SUCLG2: variants seen among roughly 807,000 people sequenced by gnomAD.
SUCLG2 encodes succinate-CoA ligase GDP-forming subunit beta, also known as succinate--CoA ligase [GDP-forming] subunit beta, mitochondrial.
A neutral mutation model predicts 47.9 loss-of-function variants in SUCLG2; 42 were observed. The ratio of observed to expected loss-of-function variants is 0.88; its 90% CI spans 0.69 to 1.14. The LOEUF is 1.14. Ranked by LOEUF, SUCLG2 falls within the 50% of genes most tolerant of loss-of-function variation. The pLI is 0.00. For synonymous variants in SUCLG2, 195 were observed against 197.3 expected (o/e 0.99, Z 0.10); for missense variants, 571 against 525.9 (o/e 1.09, Z -0.84).
intron 9 of SUCLG2, among the ~76,000 whole-genome samples, chr3:67,472,111 C>G (rs1203958604): frequency 1.3e-5 from 2 of 152,032 alleles, no homozygotes; most frequent in African/African-American, 4.8e-5. Context: ...CCTACTTTGT[C>G]CATCCATGAA....
chr3:67,472,637 T>A (rs543307297), intron 9 of SUCLG2, among the ~76,000 whole-genome samples: 1 of 152,326 alleles, frequency 6.6e-6, no homozygotes, highest in East Asian at 1.9e-4. Flanking sequence ...TTGGGATCAT[T>A]TAGCAAAATG....
intron 9 of SUCLG2, among the ~76,000 whole-genome samples, chr3:67,412,791 T>C (rs80028595): frequency 0.054 from 8,218 of 152,226 alleles, 318 homozygotes; most frequent in Middle Eastern, 0.13. Flanking sequence ...TATATTGTCA[T>C]TATCAATATT....
intron 2 of SUCLG2, among the ~76,000 whole-genome samples, chr3:67,564,727 C>T (rs1559574393): frequency 6.6e-6 from 1 of 152,140 alleles, no homozygotes; most frequent in Non-Finnish European, 1.5e-5. Context: ...AGTTCATGAG[C>T]TATCTATTGT....
Position 67,549,561 on chromosome 3 carries a change from G to T in SUCLG2, c.227-20375C>A, listed in dbSNP as rs149548537. Among the ~76,000 whole-genome samples, 523 of 152,288 alleles carry T rather than the reference G, an allele frequency of 3.4e-3. 2 individuals are homozygous for T. Among genetic ancestry groups the T allele is most frequent in the Non-Finnish European group, 4.9e-3 (332 of 68,016 alleles). On this transcript the variant is annotated intron_variant, in intron 2 of 10. Transcript: ENST00000307227. ...CAGTGGTTATCTATAGGGAATAGGG[G>T]TTGATCTTTACCTCCTTCTTTATAG...
At chr3:67,457,684 CTTTTTTTTT>C (rs71109889) in intron 9 of SUCLG2, among the ~76,000 whole-genome samples, 2 of 65,510 alleles carry the variant, frequency 3.1e-5, no homozygotes, top group African/African-American at 7.6e-5. Flanking sequence ...ACAAAAGCAG[CTTTTTTTTT>C]TTTTTTTTTT....
chr3:67,457,684 C>CTTTT (rs71109889), intron 9 of SUCLG2, among the ~76,000 whole-genome samples: 2,244 of 65,028 alleles, frequency 0.035, 193 homozygotes, highest in African/African-American at 0.079. Flanking sequence ...ACAAAAGCAG[C>CTTTT]TTTTTTTTTT....
chr3:67,463,040 T>C (rs1418638127), intron 9 of SUCLG2, among the ~76,000 whole-genome samples: 1 of 152,182 alleles, frequency 6.6e-6, no homozygotes, highest in Non-Finnish European at 1.5e-5. Context: ...GGGATCAAGT[T>C]TGTGGGCAGA....
chr3:67,535,627 C>G (rs1706519883), intron 2 of SUCLG2, among the ~76,000 whole-genome samples: 1 of 152,064 alleles, frequency 6.6e-6, no homozygotes. Context: ...TCCTCAGGTA[C>G]TCTTTTACAG....
rs573663178 is a variant in SUCLG2, at chr3:67,520,454, T to C, written c.570+28A>G. On this transcript the variant is annotated intron_variant, in intron 5 of 10. Coordinates refer to ENST00000307227, the MANE Select transcript of SUCLG2 (RefSeq NM_003848.4). ...AGCTTCTACAATAACAATCAATTAATAGCAGGTAGCCCGGAATTTAAACAT... is the reference window on the plus strand; with the variant it reads ...AGCTTCTACAATAACAATCAATTAACAGCAGGTAGCCCGGAATTTAAACAT... 15 of 1,613,692 alleles carry C rather than the reference T, an allele frequency of 9.3e-6. No homozygotes were observed. The East Asian group carries it at 1.1e-4, about 12-fold the overall frequency.
At chr3:67,512,646 T>G (rs1387431041) in intron 6 of SUCLG2, among the ~76,000 whole-genome samples, 1 of 151,104 alleles carries the variant, frequency 6.6e-6, no homozygotes, top group Non-Finnish European at 1.5e-5. Context: ...ATACAAAACA[T>G]AAAATTCACC....
intron 10 of SUCLG2, among the ~76,000 whole-genome samples, chr3:67,393,488 C>G (rs950073411): frequency 6.6e-6 from 1 of 152,188 alleles, no homozygotes; most frequent in African/African-American, 2.4e-5. Flanking sequence ...TGCCATGGCC[C>G]AGGCTTGCTT....
chr3:67,612,091 G>C (rs1010085765), intron 1 of SUCLG2, among the ~76,000 whole-genome samples: 1 of 152,214 alleles, frequency 6.6e-6, no homozygotes, highest in Non-Finnish European at 1.5e-5. Context: ...AGGCGCAGTG[G>C]TTCACACCTG....
chr3:67,546,955 G>A (rs919314796), intron 2 of SUCLG2, among the ~76,000 whole-genome samples: 2 of 152,168 alleles, frequency 1.3e-5, no homozygotes, highest in Non-Finnish European at 2.9e-5. Context: ...TGGAAAGCTA[G>A]CATATAAGTC....
intron 1 of SUCLG2, among the ~76,000 whole-genome samples, chr3:67,647,534 G>A (rs1701213245): frequency 1.3e-5 from 2 of 152,346 alleles, no homozygotes; most frequent in South Asian, 2.1e-4. Flanking sequence ...AGCACACAGT[G>A]AAAGTCATGT....
intron 2 of SUCLG2, among the ~76,000 whole-genome samples, chr3:67,593,009 G>C (rs995134446): frequency 7.2e-5 from 11 of 152,304 alleles, no homozygotes; most frequent in Middle Eastern, 3.4e-3. Flanking sequence ...AAGGCTATTA[G>C]GAAAATGACC....
At position 67,515,995 on chromosome 3, in the gene SUCLG2, G is replaced by C. The variant is rs149663098; in HGVS notation, c.660+2252C>G. Among the ~76,000 whole-genome samples the C allele has an allele frequency of 3.8e-3, 569 of 151,492 alleles. 14 individuals are homozygous for C. The South Asian group carries it at 0.041, about 11-fold the overall frequency. ...CTCTCTCCTTCACATTCCTTTATCC[G>C]TCCCTCTTCCTGTATCCTCTCAGCC... On this transcript the variant is annotated intron_variant, in intron 6 of 10. Coordinates refer to ENST00000307227, the MANE Select transcript of SUCLG2 (RefSeq NM_003848.4).
At chr3:67,438,152 G>A (rs998162671) in intron 9 of SUCLG2, among the ~76,000 whole-genome samples, 2 of 152,138 alleles carry the variant, frequency 1.3e-5, no homozygotes, top group South Asian at 4.1e-4. Context: ...ATGAAATTAA[G>A]GCAGAAATAA....
Position 67,531,473 on chromosome 3 carries a change from A to T in SUCLG2, c.227-2287T>A, listed in dbSNP as rs968849524. 3.3e-5 allele frequency among the ~76,000 whole-genome samples: 5 copies of T among 152,254 alleles called. No homozygotes were observed. The East Asian group carries it at 9.7e-4, about 30-fold the overall frequency. The stretch of plus-strand genomic sequence containing the variant: ...ATTAGATCAGCTTTAGTCACTAACC[A>T]TCAAGACACAGAAAGAGTTGTATCC... On this transcript the variant is annotated intron_variant, in intron 2 of 10. Transcript: ENST00000307227.
intron 10 of SUCLG2, among the ~76,000 whole-genome samples, chr3:67,362,588 A>G (rs1701820568): frequency 6.6e-6 from 1 of 152,174 alleles, no homozygotes; most frequent in Non-Finnish European, 1.5e-5. Flanking sequence ...AGAGGCTGCA[A>G]CTGTTATCTG....
Sources: allele counts gnomAD v4.1 joint callset (sites outside exome capture counted in the v4.1 genomes callset), GRCh38; gene constraint gnomAD v4.1.1; transcripts MANE v1.5; gene names NCBI Gene and HGNC (gene_info 2026-07-23, HGNC 2026-07-21).